PCDH9: variants seen among roughly 807,000 people sequenced by gnomAD.
PCDH9 encodes protocadherin 9.
In PCDH9, 24 loss-of-function variants were observed where a neutral mutation model predicts 70.6. The ratio of observed to expected loss-of-function variants is 0.34; its 90% CI spans 0.25 to 0.48. The LOEUF is 0.48. Ranked by LOEUF, PCDH9 falls within the 20% of genes least tolerant of loss-of-function variation. The pLI is 0.99. For synonymous variants in PCDH9, 562 were observed against 558.5 expected (o/e 1.01, Z -0.09); for missense variants, 1,281 against 1,503.6 (o/e 0.85, Z 2.45).
At chr13:67,023,604 T>A (rs1451434754) in intron 2 of PCDH9, among the ~76,000 whole-genome samples, 1 of 152,136 alleles carries the variant, frequency 6.6e-6, no homozygotes, top group Non-Finnish European at 1.5e-5. Context: ...TCAATTTGTA[T>A]CAAAGACTGG....
intron 2 of PCDH9, chr13:66,978,459 A>G (rs1310839106): frequency 6.6e-6 from 1 of 152,002 alleles, no homozygotes; most frequent in Non-Finnish European, 1.5e-5. Context: ...GCTATTTTAC[A>G]AGTTTCTTAA....
chr13:67,226,818 T>G lies in PCDH9; in HGVS notation c.1623A>C (p.Thr541=). ...DREEQERFIF[T]VTARDNGTPP... ...GGGTCCCATTGTCCCTGGCAGTTAC[T>G]GTAAAAATGAATCGTTCTTGTTCTT... Residue 541 remains threonine (T), a synonymous_variant, in exon 2 of 5, where the codon ACA becomes ACC. Coordinates refer to ENST00000377865, the MANE Select transcript of PCDH9 (RefSeq NM_203487.3). This position sits in a 1 kb window ranked among gnomAD's most constrained non-coding sequence, Gnocchi z 5.0. 1 of 1,614,102 alleles carries G rather than the reference T, an allele frequency of 6.2e-7. No individual in the cohort carries two copies. Among genetic ancestry groups the G allele is most frequent in the Non-Finnish European group, 8.5e-7 (1 of 1,179,960 alleles).
At chr13:66,484,352 C>A (rs1034951640) in intron 4 of PCDH9, among the ~76,000 whole-genome samples, 1 of 152,208 alleles carries the variant, frequency 6.6e-6, no homozygotes, top group Middle Eastern at 3.4e-3. Context: ...CGTAGCCCCA[C>A]GGCCTGCCCA....
At chr13:66,893,995 G>A (rs1351074901) in intron 3 of PCDH9, among the ~76,000 whole-genome samples, 1 of 151,960 alleles carries the variant, frequency 6.6e-6, no homozygotes, top group Non-Finnish European at 1.5e-5. Flanking sequence ...AAATCCATTA[G>A]TTATTTCATA....
At chr13:66,797,619 A>C (rs2080263947) in intron 3 of PCDH9, among the ~76,000 whole-genome samples, 1 of 152,170 alleles carries the variant, frequency 6.6e-6, no homozygotes, top group Non-Finnish European at 1.5e-5. Context: ...AACACATGTG[A>C]TACTTTCTTT....
chr13:66,654,320 G>A (rs918691941), intron 3 of PCDH9, among the ~76,000 whole-genome samples: 2 of 152,092 alleles, frequency 1.3e-5, no homozygotes, highest in African/African-American at 4.8e-5. Context: ...GGGCTGGTAA[G>A]GGTAGTGGTG....
intron 4 of PCDH9, among the ~76,000 whole-genome samples, chr13:66,546,615 A>G (rs1290640287): frequency 6.6e-6 from 1 of 152,178 alleles, no homozygotes; most frequent in Non-Finnish European, 1.5e-5. Flanking sequence ...TTACTAGAGA[A>G]AGAAACAATT....
At chr13:67,071,992 A>T (rs1307413220) in intron 2 of PCDH9, among the ~76,000 whole-genome samples, 2 of 151,792 alleles carry the variant, frequency 1.3e-5, no homozygotes, top group African/African-American at 2.4e-5. Flanking sequence ...AATGTGGTTT[A>T]TGCAATTGAA....
At chr13:66,528,642 A>T (rs1430859775) in intron 4 of PCDH9, among the ~76,000 whole-genome samples, 1 of 152,130 alleles carries the variant, frequency 6.6e-6, no homozygotes, top group Non-Finnish European at 1.5e-5. Context: ...GAACAAGGAA[A>T]ATCCATTTAG....
At chr13:66,429,430 G>GTTTTTTT (rs5804281) in intron 4 of PCDH9, among the ~76,000 whole-genome samples, 7 of 144,998 alleles carry the variant, frequency 4.8e-5, no homozygotes, top group African/African-American at 1.3e-4. Context: ...TATTTTTTCT[G>GTTTTTTT]TTTTTTTTTT....
chr13:67,102,125 A>G (rs1039106096), intron 2 of PCDH9, among the ~76,000 whole-genome samples: 1 of 152,190 alleles, frequency 6.6e-6, no homozygotes, highest in African/African-American at 2.4e-5. Flanking sequence ...GAAAATTGCA[A>G]GTCCTTTAGA....
chr13:66,805,275 G>A (rs557185360), intron 3 of PCDH9, among the ~76,000 whole-genome samples: 2 of 152,114 alleles, frequency 1.3e-5, no homozygotes, highest in African/African-American at 2.4e-5. Context: ...TAGAGATATT[G>A]TTGAGTCCTA....
intron 4 of PCDH9, among the ~76,000 whole-genome samples, chr13:66,559,398 CTTATATAATCCTACAAAT>C (rs900947049): frequency 2.0e-5 from 3 of 152,082 alleles, no homozygotes; most frequent in African/African-American, 7.2e-5. Context: ...TATATGTTGT[CTTATATAATCCTACAAAT>C]CTCTTCAGGA....
At chr13:67,191,591 C>G (rs972267239) in intron 2 of PCDH9, among the ~76,000 whole-genome samples, 21 of 152,072 alleles carry the variant, frequency 1.4e-4, no homozygotes, top group African/African-American at 4.6e-4. Context: ...ATCAAGAAAG[C>G]TATTGTGCTC....
At chr13:67,196,092 C>G (rs1357671751) in intron 2 of PCDH9, among the ~76,000 whole-genome samples, 1 of 152,100 alleles carries the variant, frequency 6.6e-6, no homozygotes, top group African/African-American at 2.4e-5. Flanking sequence ...TAAACAAACT[C>G]TATGGATACA....
intron 4 of PCDH9, among the ~76,000 whole-genome samples, chr13:66,630,970 T>A (rs2077563253): frequency 6.6e-6 from 1 of 152,196 alleles, no homozygotes; most frequent in South Asian, 2.1e-4. Flanking sequence ...TTCAGTTATA[T>A]TTATAGCATG....
chr13:67,004,318 C>T (rs1323306399), intron 2 of PCDH9, among the ~76,000 whole-genome samples: 4 of 150,916 alleles, frequency 2.7e-5, no homozygotes, highest in African/African-American at 9.8e-5. Flanking sequence ...CACCTGTAAT[C>T]CCAGCATTTT....
At chr13:66,941,255 T>TA (rs1425801050) in intron 2 of PCDH9, among the ~76,000 whole-genome samples, 10 of 150,990 alleles carry the variant, frequency 6.6e-5, no homozygotes, top group East Asian at 1.9e-4. Context: ...AATAAAAATT[T>TA]AAAAAAAATG....
chr13:66,333,349 A>T (rs545131767), intron 4 of PCDH9, among the ~76,000 whole-genome samples: 2 of 152,284 alleles, frequency 1.3e-5, no homozygotes, highest in African/African-American at 4.8e-5. Context: ...CCAGTATAGC[A>T]CTGAGGTAGA....
Sources: allele counts gnomAD v4.1 joint callset (sites outside exome capture counted in the v4.1 genomes callset), GRCh38; gene constraint gnomAD v4.1.1; non-coding constraint Gnocchi (gnomAD v3.1); transcripts MANE v1.5; gene names NCBI Gene and HGNC (gene_info 2026-07-23, HGNC 2026-07-21).